PRUNE2: variants seen among roughly 807,000 people sequenced by gnomAD.
The protein encoded by PRUNE2 is protein prune homolog 2.
A neutral mutation model predicts 252.0 loss-of-function variants in PRUNE2; 164 were observed. The ratio of observed to expected loss-of-function variants is 0.65; its 90% confidence interval spans 0.57 to 0.74. PRUNE2 has a LOEUF of 0.74. Ranked by LOEUF, PRUNE2 falls within the 30% of genes least tolerant of loss-of-function variation. The probability of loss-of-function intolerance (pLI) is 0.00; values close to 1 mark genes in which losing one functional copy is unlikely to be tolerated. For synonymous variants in PRUNE2, 1,292 were observed against 1,350.2 expected, an observed-to-expected ratio of 0.96 and a Z score of 0.94; for missense variants, 3,495 against 3,711.0, an observed-to-expected ratio of 0.94 and a Z score of 1.51.
At chr9:76,856,371 T>C (rs1285357564) in intron 1 of PRUNE2, 2 of 152,202 alleles carry the variant, frequency 1.3e-5, no homozygotes, top group Admixed American at 1.3e-4. Context: ...AAAGCTGACC[T>C]ATTTGCTTCT....
intron 6 of PRUNE2, among the ~76,000 whole-genome samples, chr9:76,765,776 A>G (rs961702606): frequency 2.0e-5 from 3 of 152,206 alleles, no homozygotes; most frequent in Admixed American, 6.5e-5. Context: ...AACTTGTCCA[A>G]ACCAGTGCTT....
At chr9:76,862,711 T>G (rs1333901359) in intron 1 of PRUNE2, 2 of 152,142 alleles carry the variant, frequency 1.3e-5, no homozygotes, top group African/African-American at 4.8e-5. Context: ...TTGTAGAAAC[T>G]CACAAAAAAA....
intron 12 of PRUNE2, among the ~76,000 whole-genome samples, chr9:76,640,073 G>A (rs1001810972): frequency 1.3e-5 from 2 of 152,124 alleles, no homozygotes; most frequent in Non-Finnish European, 2.9e-5. Context: ...CTGTCTAAAC[G>A]ATTGAAATTG....
intron 3 of PRUNE2, among the ~76,000 whole-genome samples, chr9:76,850,012 C>T (rs1180226322): frequency 1.3e-5 from 2 of 151,688 alleles, no homozygotes; most frequent in Non-Finnish European, 2.9e-5. Flanking sequence ...TCTGCCTTGC[C>T]GTTGTTGTGT....
intron 11 of PRUNE2, among the ~76,000 whole-genome samples, chr9:76,647,095 G>T (rs1845220543): frequency 6.6e-6 from 1 of 152,086 alleles, no homozygotes; most frequent in Admixed American, 6.5e-5. Flanking sequence ...AAGATCACGT[G>T]AGCCCAGGAG....
intron 9 of PRUNE2, among the ~76,000 whole-genome samples, chr9:76,667,364 AG>A (rs2133818228): frequency 6.6e-6 from 1 of 152,364 alleles, no homozygotes; most frequent in Non-Finnish European, 1.5e-5. Context: ...CAGGGATGCC[AG>A]CATCTGCAGG....
At chr9:76,866,167 T>C (rs1564466628) in intron 1 of PRUNE2, among the ~76,000 whole-genome samples, 1 of 152,228 alleles carries the variant, frequency 6.6e-6, no homozygotes, top group Non-Finnish European at 1.5e-5. Flanking sequence ...GGGCCTAACA[T>C]AGATACAGAA....
rs79413499 is a variant in PRUNE2 at position 76,646,443 on chromosome 9, T to C, written c.8558-1534A>G. Among the ~76,000 whole-genome samples, 478 of 152,306 alleles carry C rather than the reference T, an allele frequency of 3.1e-3. 1 individual carries two copies. The highest frequency in any genetic ancestry group is 5.8e-3 in the Non-Finnish European group (395 of 68,020). ...AGCCTTTTTTGCCAACACCAACAGCTACCACCACCTACAGAGCCTTGGCTC... is the reference window on the plus strand; with the variant it reads ...AGCCTTTTTTGCCAACACCAACAGCCACCACCACCTACAGAGCCTTGGCTC... On this transcript the variant is annotated intron_variant, in intron 11 of 18. Coordinates refer to ENST00000376718, the MANE Select transcript of PRUNE2 (RefSeq NM_015225.3).
At chr9:76,860,130 G>C (rs1350114165) in intron 1 of PRUNE2, among the ~76,000 whole-genome samples, 1 of 152,190 alleles carries the variant, frequency 6.6e-6, no homozygotes, top group Non-Finnish European at 1.5e-5. Context: ...CCGGGAGGGA[G>C]TCTCAGGACC....
intron 6 of PRUNE2, among the ~76,000 whole-genome samples, chr9:76,726,050 G>A (rs1336603232): frequency 6.6e-6 from 1 of 152,212 alleles, no homozygotes; most frequent in Non-Finnish European, 1.5e-5. Context: ...TCCTCTTCTG[G>A]CTGCATTCTG....
chr9:76,706,365 G>A lies in PRUNE2; in HGVS notation c.5909C>T (p.Pro1970Leu), dbSNP rs375228843. 19 of 1,613,962 alleles carry A rather than the reference G, an allele frequency of 1.2e-5. No individual in the cohort carries two copies. Among genetic ancestry groups the A allele is most frequent in the African/African-American group, 1.1e-4 (8 of 75,032 alleles). The change falls in exon 8 of 19, where the codon CCG becomes CTG. Residue 1970 changes from proline to leucine, a missense_variant. Transcript: ENST00000376718. Reference sequence around the variant, plus strand: ...CTCTGCGTGAGTAAAGGCTGTGTCCGGATGATCACAGACTGGCAGCATGGT... The same window carrying A: ...CTCTGCGTGAGTAAAGGCTGTGTCCAGATGATCACAGACTGGCAGCATGGT... ...QDTMLPVCDH[P>L]DTAFTHAEEN...
chr9:76,901,366 GC>G, intron 1 of PRUNE2, among the ~76,000 whole-genome samples: 1 of 152,308 alleles, frequency 6.6e-6, no homozygotes, highest in Middle Eastern at 3.4e-3. Context: ...GCCCTGGTTT[GC>G]AATGGGGCAG....
At position 76,703,686 on chromosome 9, in the gene PRUNE2, C is replaced by G. The variant is rs1156390287; in HGVS notation, c.7927G>C (p.Asp2643His). The change falls in exon 9 of 19, where the codon GAT becomes CAT. Residue 2643 changes from aspartate (D) to histidine (H), a missense_variant. Asp to His is a moderately conservative substitution (Grantham distance 81). Coordinates refer to ENST00000376718, the MANE Select transcript of PRUNE2 (RefSeq NM_015225.3). ...WMFLGHSEVGDPSLDARDSGP... is the reference protein window; with the variant it reads ...WMFLGHSEVGHPSLDARDSGP... ...GAGTCCCTGGCATCCAGTGATGGAT[C>G]ACCAACCTCACTATGGCCCAAGAAC... 1 of 1,613,226 alleles carries G rather than the reference C, an allele frequency of 6.2e-7. No homozygotes were observed. The highest frequency in any genetic ancestry group is 8.5e-7 in the Non-Finnish European group (1 of 1,179,832).
intron 6 of PRUNE2, among the ~76,000 whole-genome samples, chr9:76,807,218 G>C (rs1443861609): frequency 1.4e-5 from 2 of 146,130 alleles, no homozygotes; most frequent in Non-Finnish European, 3.0e-5. Context: ...GCACCACCAT[G>C]TCTGGCTAAT....
intron 6 of PRUNE2, among the ~76,000 whole-genome samples, chr9:76,776,788 T>A (rs1423312186): frequency 1.3e-5 from 2 of 151,538 alleles, no homozygotes; most frequent in African/African-American, 4.9e-5. Context: ...GTGCTGGGAT[T>A]AAAAGTTATG....
chr9:76,627,565 C>A (rs750031912), intron 16 of PRUNE2, among the ~76,000 whole-genome samples: 1 of 152,094 alleles, frequency 6.6e-6, no homozygotes, highest in Non-Finnish European at 1.5e-5. Flanking sequence ...ATGAACACTC[C>A]GTTTGATTCA....
intron 3 of PRUNE2, among the ~76,000 whole-genome samples, chr9:76,850,168 C>T (rs1458130086): frequency 2.0e-5 from 3 of 152,042 alleles, no homozygotes; most frequent in Non-Finnish European, 4.4e-5. Flanking sequence ...CGTGCCTCAG[C>T]CTCCAAGTAG....
chr9:76,665,952 A>G (rs2040065029), intron 9 of PRUNE2, among the ~76,000 whole-genome samples: 1 of 152,208 alleles, frequency 6.6e-6, no homozygotes, highest in Non-Finnish European at 1.5e-5. Context: ...CATAGACATG[A>G]TTATATATGA....
intron 6 of PRUNE2, among the ~76,000 whole-genome samples, chr9:76,806,538 C>A (rs1357365678): frequency 7.4e-6 from 1 of 135,934 alleles, no homozygotes; most frequent in Non-Finnish European, 1.5e-5. Context: ...GACGGAGTTT[C>A]GCCCTGTCGC....
Sources: allele counts gnomAD v4.1 joint callset (sites outside exome capture counted in the v4.1 genomes callset), GRCh38; gene constraint gnomAD v4.1.1; transcripts MANE v1.5; gene names NCBI Gene and HGNC (gene_info 2026-07-23, HGNC 2026-07-21).